TG: variants seen among roughly 807,000 people sequenced by gnomAD.
TG encodes the protein thyroglobulin.
Under a neutral mutation model 324.7 loss-of-function variants are expected in TG, and 270 were observed. That is an observed-to-expected ratio of 0.83 (90% CI 0.75 to 0.92). The LOEUF (loss-of-function observed/expected upper bound fraction) is 0.92, where lower values mean the gene tolerates loss of function less well. Among genes scored for constraint, TG ranks in the 40% least tolerant of loss-of-function variants. TG has a pLI of 0.00. For missense variants in TG, 3,591 were observed against 3,456.4 expected, an observed-to-expected ratio of 1.04 and a Z score of -0.98; for synonymous variants, 1,401 against 1,327.0, an observed-to-expected ratio of 1.06 and a Z score of -1.21.
intron 43 of TG, chr8:133,106,290 C>T: frequency 2.0e-6 from 1 of 503,314 alleles, no homozygotes; most frequent in Non-Finnish European, 2.6e-6. Context: ...CAGCAGGAGG[C>T]AGGGCCAGGG....
chr8:133,069,477 A>G (rs2245152), intron 41 of TG, among the ~76,000 whole-genome samples: 24,761 of 151,766 alleles, frequency 0.16, 2,377 homozygotes, highest in East Asian at 0.21. Flanking sequence ...GATGTTTTTA[A>G]TTTGCTATTA....
intron 28 of TG, 128 bp downstream of exon 28, chr8:132,961,201 T>A: frequency 1.0e-6 from 1 of 952,898 alleles, no homozygotes; most frequent in Non-Finnish European, 1.7e-6. Context: ...TCCAAATGCA[T>A]ACTTTCTGTG....
chr8:132,894,006 A>G, intron 11 of TG, 77 bp downstream of exon 11: 1 of 1,608,036 alleles, frequency 6.2e-7, no homozygotes, highest in Non-Finnish European at 8.5e-7. Flanking sequence ...CTCCTCAGTC[A>G]TCCTTAGGAC....
chr8:132,955,416 A>T (rs954352903), intron 27 of TG, among the ~76,000 whole-genome samples: 1 of 152,204 alleles, frequency 6.6e-6, no homozygotes, highest in Non-Finnish European at 1.5e-5. Flanking sequence ...CTTCTTGTCA[A>T]AATCAGATGA....
intron 1 of TG, among the ~76,000 whole-genome samples, chr8:132,867,698 A>G (rs1839086378): frequency 6.9e-6 from 1 of 145,714 alleles, no homozygotes; most frequent in Admixed American, 7.1e-5. Context: ...TTACATCTGC[A>G]GGGCATGGCT....
At chr8:132,991,597 T>C (rs1452758350) in intron 35 of TG, among the ~76,000 whole-genome samples, 1 of 152,216 alleles carries the variant, frequency 6.6e-6, no homozygotes, top group African/African-American at 2.4e-5. Flanking sequence ...CACTATTTCA[T>C]CAGAAAAGTT....
At chr8:132,938,693 G>T (rs1587487300) in intron 25 of TG, among the ~76,000 whole-genome samples, 1 of 152,262 alleles carries the variant, frequency 6.6e-6, no homozygotes, top group East Asian at 1.9e-4. Flanking sequence ...GGTATGAGCT[G>T]CTTCAGGGTG....
At chr8:133,133,417 G>A in intron 46 of TG, 53 bp from the exon 47 acceptor site, 1 of 1,571,744 alleles carries the variant, frequency 6.4e-7, no homozygotes, top group Middle Eastern at 1.7e-4. Context: ...TTCAGGTGAT[G>A]AAAGGAAAGA....
In TG at chr8:132,881,975, T is replaced by C. The variant is rs1191017541; in HGVS notation, c.745+6T>C. ...GCGGGAACTGGCTGAGACAGGTGAG[T>C]GATACCCCTCAGGTGATCTGAAGGG... On this transcript the variant is annotated splice_donor_region_variant and intron_variant, in intron 6 of 47. Coordinates refer to ENST00000220616, the MANE Select transcript of TG (RefSeq NM_003235.5). The C allele has an allele frequency of 1.6e-5, 26 of 1,593,880 alleles. No individual in the cohort carries two copies. Among genetic ancestry groups the C allele is most frequent in the Non-Finnish European group, 2.2e-5 (25 of 1,161,690 alleles).
chr8:132,886,837 C>G lies in TG; in HGVS notation c.1465C>G (p.Leu489Val). The G allele has an allele frequency of 1.2e-6, 2 of 1,614,128 alleles. No individual in the cohort carries two copies. The highest frequency in any genetic ancestry group is 1.1e-5 in the South Asian group (1 of 91,078). ...TGGCCAGTTTAACTTGTCTGGAGCC[C>G]TTGGCACAAGAGGCACATTTAACTT... ...NVGQFNLSGA[L>V]GTRGTFNFSQ... is the part of the protein sequence containing the mutation. The change falls in exon 9 of 48, where the codon CTT becomes GTT. Residue 489 changes from leucine to valine, a missense_variant. By Grantham distance (32) the Leu-to-Val change is conservative. Coordinates refer to ENST00000220616, the MANE Select transcript of TG (RefSeq NM_003235.5).
chr8:132,879,542 C>T (rs1225810851), intron 5 of TG, among the ~76,000 whole-genome samples: 1 of 152,148 alleles, frequency 6.6e-6, no homozygotes, highest in East Asian at 1.9e-4. Context: ...TAATTAATAG[C>T]AACAATCATA....
intron 45 of TG, among the ~76,000 whole-genome samples, chr8:133,125,592 A>G (rs777570968): frequency 1.3e-5 from 2 of 152,226 alleles, no homozygotes; most frequent in Non-Finnish European, 2.9e-5. Context: ...CACAACTGAA[A>G]TGGTTTCTGG....
Position 133,133,661 on chromosome 8 carries a change from G to A in TG, c.8188+1G>A, listed in dbSNP as rs1221285856. 3.7e-6 allele frequency: 6 copies of A among 1,613,194 alleles called. No homozygotes were observed. Among genetic ancestry groups the A allele is most frequent in the Admixed American group, 1.7e-5 (1 of 59,862 alleles). ...ATCTCGTCTCTGAAGACATCTGCAG[G>A]TAGCAAAGCCCTGGGACAAGTGGAG... is the stretch of plus-strand genomic sequence containing the variant. On this transcript the variant is annotated splice_donor_variant, in intron 47 of 47. Coordinates refer to ENST00000220616, the MANE Select transcript of TG (RefSeq NM_003235.5). LOFTEE classifies it high-confidence loss of function.
chr8:132,978,632 G>C (rs1462876358), intron 34 of TG, among the ~76,000 whole-genome samples: 1 of 152,232 alleles, frequency 6.6e-6, no homozygotes, highest in East Asian at 1.9e-4. Flanking sequence ...AGGAAATTCT[G>C]TTCTGCAAGG....
In TG at chr8:133,038,422, G is replaced by A. The variant is rs59700453; in HGVS notation, c.7239+8399G>A. The A allele has an allele frequency of 2.9e-3, 2,542 of 874,928 alleles. 43 individuals carry two copies. In the African/African-American group the frequency reaches 0.038, roughly 13 times the overall value. 54.2% of individuals were successfully genotyped at this position (874,928 alleles called of 1,614,324 possible). On this transcript the variant is annotated intron_variant, in intron 41 of 47. Transcript: ENST00000220616. ...TGGCTTCTCTTGGCTTCTAAAATAC[G>A]TGAGGCTCCCAGGGATCAGGGAACC...
intron 39 of TG, 68 bp from the exon 40 acceptor site, chr8:133,021,923 A>G: frequency 6.2e-7 from 1 of 1,602,718 alleles, no homozygotes. Flanking sequence ...TCAACCAAGA[A>G]TCAGGCTCCA....
At chr8:132,874,963 C>A (rs1321081817) in intron 5 of TG, among the ~76,000 whole-genome samples, 1 of 152,174 alleles carries the variant, frequency 6.6e-6, no homozygotes, top group Non-Finnish European at 1.5e-5. Context: ...TATGACCTGC[C>A]TGGTCCTGTA....
chr8:133,029,728 G>C, intron 40 of TG, 93 bp from the exon 41 acceptor site: 1 of 1,503,750 alleles, frequency 6.7e-7, no homozygotes, highest in Admixed American at 1.7e-5. Flanking sequence ...CCCCTGGCGG[G>C]GCCGCATATA....
chr8:133,095,091 T>C lies in TG; in HGVS notation c.7287T>C (p.Ala2429=). ...SPAAVISHER[A]QQQAIALAKE... ...CCGCCGTCATCAGCCATGAGAGGGC[T>C]CAGCAGCAGGCAATTGCTTTGGCAA... is the stretch of plus-strand genomic sequence containing the variant. Residue 2429 remains alanine (A), a synonymous_variant, in exon 42 of 48, where the codon GCT becomes GCC. Coordinates refer to ENST00000220616, the MANE Select transcript of TG (RefSeq NM_003235.5). 1 of 1,614,190 alleles carries C rather than the reference T, an allele frequency of 6.2e-7. No individual in the cohort carries two copies. The highest frequency in any genetic ancestry group is 8.5e-7 in the Non-Finnish European group (1 of 1,180,036).
Sources: allele counts gnomAD v4.1 joint callset (sites outside exome capture counted in the v4.1 genomes callset), GRCh38; gene constraint gnomAD v4.1.1; transcripts MANE v1.5; gene names NCBI Gene and HGNC (gene_info 2026-07-23, HGNC 2026-07-21).